Variants in MAX observed in about 807,000 individuals in gnomAD.
MAX encodes the protein protein max.
MAX carries 3 observed loss-of-function variants against 22.3 expected under a neutral mutation model. The observed-to-expected ratio is 0.13, with a 90% CI of 0.06 to 0.35. MAX has a LOEUF of 0.35. Among genes scored for constraint, MAX ranks in the 10% least tolerant of loss-of-function variants. The pLI is 1.00. For missense variants in MAX, 119 were observed against 209.4 expected, an observed-to-expected ratio of 0.57 and a Z score of 2.66; for synonymous variants, 72 against 77.7, an observed-to-expected ratio of 0.93 and a Z score of 0.39.
intron 3 of MAX, among the ~76,000 whole-genome samples, chr14:65,019,503 A>G (rs376817634): frequency 0.029 from 3,052 of 106,874 alleles, 65 homozygotes; most frequent in African/African-American, 0.081. Flanking sequence ...ACAAACAAAC[A>G]AAACATTTTT....
chr14:65,024,635 C>G (rs567024504), intron 3 of MAX, among the ~76,000 whole-genome samples: 4 of 152,302 alleles, frequency 2.6e-5, no homozygotes, highest in Non-Finnish European at 4.4e-5. Flanking sequence ...AGCTTTCAGT[C>G]ATATTCTAAA....
In MAX at chr14:65,082,656, A is replaced by T. The variant is rs573372311; in HGVS notation, c.172-4620T>A. Among the ~76,000 whole-genome samples the T allele has an allele frequency of 2.0e-5, 3 of 152,184 alleles. No homozygotes were observed. Among genetic ancestry groups the T allele is most frequent in the South Asian group, 4.2e-4 (2 of 4,814 alleles). ...GTGGTACACGAATGTGGTCCCAGCT[A>T]CTTGGGAGGCAAAGGTGGGAGGATC... On this transcript the variant is annotated intron_variant, in intron 3 of 4. Coordinates refer to ENST00000358664, the MANE Select transcript of MAX (RefSeq NM_002382.5). This position sits in a 1 kb window ranked among gnomAD's most constrained non-coding sequence, Gnocchi z 4.8.
At chr14:65,095,500 G>A (rs1953228) in intron 2 of MAX, among the ~76,000 whole-genome samples, 3 of 152,032 alleles carry the variant, frequency 2.0e-5, no homozygotes, top group Admixed American at 2.0e-4. Context: ...ATGAAATAGT[G>A]CGACAGAATT....
chr14:65,032,537 C>G lies in MAX; in HGVS notation c.172-26253G>C, dbSNP rs1009049997. The G allele has an allele frequency of 3.2e-6, 5 of 1,551,320 alleles. No individual in the cohort carries two copies. The highest frequency in any genetic ancestry group is 1.4e-5 in the African/African-American group (1 of 73,300). ...AGCTTACTAGGCAAGGCGAGCAGTC[C>G]GCCCGCGGAGTTCACTGAGCCTCAT... On this transcript the variant is annotated intron_variant, in intron 3 of 3. Transcript: ENST00000341653. This position sits in a 1 kb window ranked among gnomAD's most constrained non-coding sequence, Gnocchi z 5.0.
In MAX at chr14:65,043,002, T is replaced by C. The variant is rs73270829; in HGVS notation, c.172-36718A>G. Among the ~76,000 whole-genome samples, 457 of 152,316 alleles carry C rather than the reference T, an allele frequency of 3.0e-3. 3 individuals are homozygous for C. Among genetic ancestry groups the C allele is most frequent in the African/African-American group, 8.3e-3 (346 of 41,574 alleles). On this transcript the variant is annotated intron_variant, in intron 3 of 3. Coordinates refer to the MAX transcript ENST00000341653. ...GTGTTGCCTTGAAGAGGGAATAATC[T>C]AAACAACAGCTTTTAGGGGAGGGCT...
chr14:65,050,530 G>T (rs1241144214), intron 3 of MAX, among the ~76,000 whole-genome samples: 2 of 152,176 alleles, frequency 1.3e-5, no homozygotes, highest in Non-Finnish European at 2.9e-5. Context: ...GGCAGAGGTT[G>T]CAGTGAGCTG....
At chr14:65,052,466 G>A (rs1363028121) in intron 3 of MAX, among the ~76,000 whole-genome samples, 1 of 152,096 alleles carries the variant, frequency 6.6e-6, no homozygotes, top group African/African-American at 2.4e-5. Context: ...CATCCTATAT[G>A]TATATATATT....
rs1288919681 is a variant in MAX at position 65,014,884 on chromosome 14, T to C, written c.172-8600A>G. On this transcript the variant is annotated intron_variant, in intron 3 of 3. Coordinates refer to the MAX transcript ENST00000341653. This position sits in a 1 kb window ranked among gnomAD's most constrained non-coding sequence, Gnocchi z 5.1. ...TGTCTAATACAGTGCTTGGCACAAG[T>C]AGATACTATCAAATATTTGTTGAAT... Among the ~76,000 whole-genome samples, 3 of 152,156 alleles carry C rather than the reference T, an allele frequency of 2.0e-5. No individual in the cohort carries two copies. The highest frequency in any genetic ancestry group is 4.4e-5 in the Non-Finnish European group (3 of 68,014).
At chr14:65,037,402 CCTTTTTTTTTTTTTTTTTTTTT>C (rs538403751) in intron 3 of MAX, among the ~76,000 whole-genome samples, 334 of 14,510 alleles carry the variant, frequency 0.023, 58 homozygotes, top group East Asian at 0.2. Context: ...CACGCCGGGC[CCTTTTTTTTTTTTTTTTTTTTT>C]TTTTTTTTTT....
In MAX at chr14:65,032,721, G is replaced by T; in HGVS notation, c.172-26437C>A. 6.2e-7 allele frequency: 1 copy of T among 1,608,940 alleles called. No individual in the cohort carries two copies. The highest frequency in any genetic ancestry group is 2.2e-5 in the East Asian group (1 of 44,622). ...GGTGAGAGAAGCCAGGGTTTCTCCT[G>T]GCCTCTTGGAGAGCAGGCGGTCACG... On this transcript the variant is annotated intron_variant, in intron 3 of 3. Coordinates refer to the MAX transcript ENST00000341653. The surrounding 1 kb of genome is among the most constrained non-coding windows in gnomAD (Gnocchi z 5.0).
rs2062027565 is a variant in MAX at position 65,028,742 on chromosome 14, C to T, written c.172-22458G>A. Among the ~76,000 whole-genome samples, 1 of 152,148 alleles carries T rather than the reference C, an allele frequency of 6.6e-6. No homozygotes were observed. Among genetic ancestry groups the T allele is most frequent in the South Asian group, 2.1e-4 (1 of 4,830 alleles). ...AAAATTAGATTAGGATCTGTGTATA[C>T]CAGTGAAACCAGTAGAACGACTGAG... On this transcript the variant is annotated intron_variant, in intron 3 of 3. Transcript: ENST00000341653. This position sits in a 1 kb window ranked among gnomAD's most constrained non-coding sequence, Gnocchi z 4.4.
chr14:65,041,489 A>T lies in MAX; in HGVS notation c.172-35205T>A, dbSNP rs181107413. ...AGTTAAATGATCAGTGGGTGCACAAACACACACACCTCCACGGCCACCAGG... is the reference window on the plus strand; with the variant it reads ...AGTTAAATGATCAGTGGGTGCACAATCACACACACCTCCACGGCCACCAGG... On this transcript the variant is annotated intron_variant, in intron 3 of 3. Transcript: ENST00000341653. Among the ~76,000 whole-genome samples, 341 of 152,258 alleles carry T rather than the reference A, an allele frequency of 2.2e-3. 1 individual carries two copies. Among genetic ancestry groups the T allele is most frequent in the Non-Finnish European group, 3.1e-3 (210 of 68,006 alleles).
In MAX at chr14:65,044,682, G is replaced by A; in HGVS notation, c.172-38398C>T. 2 of 605,744 alleles carry A rather than the reference G, an allele frequency of 3.3e-6. No individual in the cohort carries two copies. Among genetic ancestry groups the A allele is most frequent in the Non-Finnish European group, 5.2e-6 (2 of 383,158 alleles). 37.5% of individuals were successfully genotyped at this position (605,744 alleles called of 1,614,324 possible). ...TGGCTGCGACAGAATGAGCTTCCTT[G>A]AAATTGCTACGGGGAGCGGGGAGGA... is the stretch of plus-strand genomic sequence containing the variant. On this transcript the variant is annotated intron_variant, in intron 3 of 3. Coordinates refer to the MAX transcript ENST00000341653. This position sits in a 1 kb window ranked among gnomAD's most constrained non-coding sequence, Gnocchi z 5.5.
rs1303233428 is a variant in MAX at position 65,009,884 on chromosome 14, T to C, written c.172-3600A>G. Among the ~76,000 whole-genome samples the C allele has an allele frequency of 2.6e-5, 4 of 152,156 alleles. No individual in the cohort carries two copies. The highest frequency in any genetic ancestry group is 4.4e-5 in the Non-Finnish European group (3 of 68,026). On this transcript the variant is annotated intron_variant, in intron 3 of 3. Coordinates refer to the MAX transcript ENST00000341653. The surrounding 1 kb of genome is among the most constrained non-coding windows in gnomAD (Gnocchi z 4.2). ...TTATTGGACAGGGCTCTGCTTGTCATTTTCACATGTGTGTCCACCTCTGGA... is the reference window on the plus strand; with the variant it reads ...TTATTGGACAGGGCTCTGCTTGTCACTTTCACATGTGTGTCCACCTCTGGA...
At position 65,061,105 on chromosome 14, in the gene MAX, T is replaced by C. The variant is rs986604701; in HGVS notation, c.171+32603A>G. On this transcript the variant is annotated intron_variant, in intron 3 of 3. Coordinates refer to the MAX transcript ENST00000341653. The stretch of plus-strand genomic sequence containing the variant: ...TTATACTAAATTCTTAGAAGTGCCT[T>C]TCATGGAGCAAAGGATGTGTTATGT... 41 of 1,571,416 alleles carry C rather than the reference T, an allele frequency of 2.6e-5. No homozygotes were observed. In the African/African-American group the frequency reaches 4.8e-4, roughly 18 times the overall value.
At chr14:65,100,500 AC>A (rs1280632796) in intron 2 of MAX, among the ~76,000 whole-genome samples, 5 of 151,968 alleles carry the variant, frequency 3.3e-5, no homozygotes, top group African/African-American at 1.2e-4. Context: ...GGCAATACTG[AC>A]CCTTCACTCC....
In MAX at chr14:65,101,580, AAG is replaced by A; in HGVS notation, c.37-10_37-9del. 6.3e-7 allele frequency: 1 copy of A among 1,592,150 alleles called. No individual in the cohort carries two copies. Among genetic ancestry groups the A allele is most frequent in the Non-Finnish European group, 8.6e-7 (1 of 1,163,062 alleles). On this transcript the variant is annotated splice_polypyrimidine_tract_variant and intron_variant, in intron 1 of 4. Transcript: ENST00000358664. ...AAACCTCGGTTGCTCTTCCTGGAAT[AAG>A]AGAGAAAAAAAAAAATAGAAAATAT...
At chr14:65,006,373 CT>C in intron 3 of MAX, 7 of 1,544,034 alleles carry the variant, frequency 4.5e-6, no homozygotes, top group Non-Finnish European at 6.1e-6. Flanking sequence ...ACCCAATGCT[CT>C]GACCTCAATA....
intron 3 of MAX, among the ~76,000 whole-genome samples, chr14:65,065,591 G>T (rs1036257101): frequency 6.6e-6 from 1 of 152,184 alleles, no homozygotes; most frequent in Admixed American, 6.5e-5. Context: ...ACAGTGGTAA[G>T]TATTTGTGAA....
Sources: gnomAD v4.1 joint callset for allele counts (sites outside exome capture counted in the v4.1 genomes callset) on GRCh38, gnomAD v4.1.1 for gene constraint, Gnocchi (gnomAD v3.1) non-coding constraint, MANE v1.5 for transcripts, NCBI Gene and HGNC (gene_info 2026-07-23, HGNC 2026-07-21) for gene names.